The following HSF2BP variants were observed in gnomAD, a reference collection of about 807,000 sequenced individuals.
HSF2BP encodes heat shock factor 2-binding protein.
A neutral mutation model predicts 35.0 loss-of-function variants in HSF2BP; 35 were observed. The observed-to-expected ratio is 1.00, with a 90% CI of 0.76 to 1.32. The LOEUF (loss-of-function observed/expected upper bound fraction) is 1.32, where lower values mean the gene tolerates loss of function less well. Ranked by LOEUF, HSF2BP falls within the 40% of genes most tolerant of loss-of-function variation. The pLI, the probability that HSF2BP is intolerant of heterozygous loss-of-function variation, is 0.00. For synonymous variants in HSF2BP, 114 were observed against 117.4 expected, an observed-to-expected ratio of 0.97 and a Z score of 0.18; for missense variants, 326 against 321.7, an observed-to-expected ratio of 1.01 and a Z score of -0.10.
intron 8 of HSF2BP, among the ~76,000 whole-genome samples, chr21:43,585,124 T>C (rs1000075163): frequency 2.0e-5 from 3 of 151,562 alleles, no homozygotes; most frequent in Non-Finnish European, 4.4e-5. Context: ...CTGGGCAACA[T>C]AGTGAAACCT....
At chr21:43,614,751 G>A (rs1411456444) in intron 6 of HSF2BP, among the ~76,000 whole-genome samples, 1 of 152,158 alleles carries the variant, frequency 6.6e-6, no homozygotes, top group African/African-American at 2.4e-5. Flanking sequence ...TTGAATTAGA[G>A]TGTTGAACCA....
intron 7 of HSF2BP, among the ~76,000 whole-genome samples, chr21:43,599,041 C>G (rs974886182): frequency 4.2e-4 from 64 of 152,224 alleles, no homozygotes; most frequent in African/African-American, 1.4e-3. Flanking sequence ...ATAAACCAAT[C>G]TTCTGTATGT....
At chr21:43,635,211 TAAAG>T (rs2082535767) in intron 4 of HSF2BP, among the ~76,000 whole-genome samples, 1 of 152,090 alleles carries the variant, frequency 6.6e-6, no homozygotes, top group African/African-American at 2.4e-5. Context: ...TAGAGCTAAA[TAAAG>T]AGATACACCA....
In HSF2BP at chr21:43,656,451, G is replaced by A. The variant is rs915497600; in HGVS notation, c.187+136C>T. The A allele has an allele frequency of 1.6e-5, 13 of 838,656 alleles. No individual in the cohort carries two copies. The African/African-American group carries it at 2.2e-4, about 14-fold the overall frequency. 52.0% of individuals were successfully genotyped at this position (838,656 alleles called of 1,614,324 possible). On this transcript the variant is annotated intron_variant, in intron 3 of 8. Transcript: ENST00000291560. Reference sequence around the variant, plus strand: ...ACACTGAGGAAACCTCCCTTTCTTAGGTCATCAGACTCTCCCAAATATCAT... The same window carrying A: ...ACACTGAGGAAACCTCCCTTTCTTAAGTCATCAGACTCTCCCAAATATCAT...
chr21:43,619,949 C>CT (rs2082313070), intron 6 of HSF2BP, among the ~76,000 whole-genome samples: 1 of 152,220 alleles, frequency 6.6e-6, no homozygotes, highest in African/African-American at 2.4e-5. Context: ...GGGTTATCCT[C>CT]TTTGTGACCT....
At chr21:43,618,496 A>G (rs2146944139) in intron 6 of HSF2BP, among the ~76,000 whole-genome samples, 1 of 152,368 alleles carries the variant, frequency 6.6e-6, no homozygotes, top group African/African-American at 2.4e-5. Flanking sequence ...GTGCCAAGAC[A>G]AATCAATGGA....
rs924727288 is a variant in HSF2BP, at chr21:43,659,482, C to G, written c.-321G>C. 4.0e-5 allele frequency: 19 copies of G among 479,592 alleles called. No homozygotes were observed. Among genetic ancestry groups the G allele is most frequent in the Non-Finnish European group, 5.3e-5 (18 of 336,696 alleles). 29.7% of individuals were successfully genotyped at this position (479,592 alleles called of 1,614,324 possible). On this transcript the variant is annotated 5_prime_UTR_variant, in exon 1 of 9. Transcript: ENST00000291560. The surrounding 1 kb of genome is among the most constrained non-coding windows in gnomAD (Gnocchi z 4.2). ...CTCCGCCAGCTGCCAGGGCCACTGC[C>G]GCGCTCACTCCCAGAGCGCGCTGCG...
chr21:43,644,484 T>G, intron 3 of HSF2BP, 92 bp from the exon 4 acceptor site: 1 of 899,450 alleles, frequency 1.1e-6, no homozygotes, highest in Admixed American at 2.0e-5. Flanking sequence ...TAGTAAAATG[T>G]GTACTGATTT....
intron 4 of HSF2BP, among the ~76,000 whole-genome samples, chr21:43,639,829 T>C (rs946664402): frequency 1.3e-5 from 2 of 152,078 alleles, no homozygotes; most frequent in African/African-American, 4.8e-5. Context: ...CAAAAACCTA[T>C]ACATGGATGT....
intron 4 of HSF2BP, among the ~76,000 whole-genome samples, chr21:43,637,317 A>C (rs564368396): frequency 2.0e-5 from 3 of 152,314 alleles, no homozygotes; most frequent in Admixed American, 6.5e-5. Flanking sequence ...TATTATACAC[A>C]TATTATATAA....
chr21:43,587,794 T>C (rs2081874651), intron 8 of HSF2BP, among the ~76,000 whole-genome samples: 2 of 152,110 alleles, frequency 1.3e-5, no homozygotes, highest in South Asian at 2.1e-4. Flanking sequence ...AAAGTCCACC[T>C]GAGTCAAAGA....
intron 4 of HSF2BP, among the ~76,000 whole-genome samples, chr21:43,634,222 A>C (rs1056915759): frequency 4.2e-4 from 64 of 152,100 alleles, no homozygotes; most frequent in African/African-American, 1.4e-3. Flanking sequence ...CCACCATGGC[A>C]CTCTTCACAA....
chr21:43,658,305 GT>G lies in HSF2BP; in HGVS notation c.-210del. 3 of 578,606 alleles carry G rather than the reference GT, an allele frequency of 5.2e-6. No homozygotes were observed. Among genetic ancestry groups the G allele is most frequent in the Non-Finnish European group, 5.9e-6 (2 of 337,202 alleles). The allele number at this position is 578,606 out of a possible 1,614,324, so 35.8% of individuals were successfully genotyped here. A position where few individuals can be genotyped will look rare whatever the true frequency, so the allele number is the denominator to read the frequency against. ...CTTTGGCTCTTCTGGCTTAGCCGGG[GT>G]TTTAAACTTGTTATCTGCAAAGCAG... On this transcript the variant is annotated 5_prime_UTR_variant, in exon 2 of 9. Transcript: ENST00000291560.
At chr21:43,602,705 C>A (rs1216217204) in intron 7 of HSF2BP, among the ~76,000 whole-genome samples, 1 of 152,178 alleles carries the variant, frequency 6.6e-6, no homozygotes, top group African/African-American at 2.4e-5. Flanking sequence ...TATTCTCTGG[C>A]CCATTGACAG....
rs1340369469 is a variant in HSF2BP, at chr21:43,597,393, G to C, written c.693-5065C>G. Among the ~76,000 whole-genome samples, 1 of 152,178 alleles carries C rather than the reference G, an allele frequency of 6.6e-6. No individual in the cohort carries two copies. Among genetic ancestry groups the C allele is most frequent in the African/African-American group, 2.4e-5 (1 of 41,432 alleles). On this transcript the variant is annotated intron_variant, in intron 7 of 8. Transcript: ENST00000291560. This position sits in a 1 kb window ranked among gnomAD's most constrained non-coding sequence, Gnocchi z 4.3. ...AGCACAGCCGGCTAGGATGAGGAGAGTAAGCCACTTGCTTTGGGTGTAAAT... is the reference window on the plus strand; with the variant it reads ...AGCACAGCCGGCTAGGATGAGGAGACTAAGCCACTTGCTTTGGGTGTAAAT...
At chr21:43,623,463 TAA>T in intron 6 of HSF2BP, among the ~76,000 whole-genome samples, 1 of 152,118 alleles carries the variant, frequency 6.6e-6, no homozygotes, top group South Asian at 2.1e-4. Flanking sequence ...GATCAGACCA[TAA>T]ATACATGAAA....
At chr21:43,636,716 AC>A (rs2082564096) in intron 4 of HSF2BP, among the ~76,000 whole-genome samples, 1 of 151,986 alleles carries the variant, frequency 6.6e-6, no homozygotes. Flanking sequence ...ACATGGTGAA[AC>A]CCTGTCTCTA....
At chr21:43,599,099 CCTT>C (rs2082021380) in intron 7 of HSF2BP, among the ~76,000 whole-genome samples, 1 of 152,154 alleles carries the variant, frequency 6.6e-6, no homozygotes, top group Non-Finnish European at 1.5e-5. Flanking sequence ...TACAGGGAAA[CCTT>C]CTGAAAAGAT....
chr21:43,468,053 CCA>C, the HSF2BP span, among the ~76,000 whole-genome samples: 3 of 131,806 alleles, frequency 2.3e-5, no homozygotes, highest in Non-Finnish European at 4.9e-5. Flanking sequence ...CACAACCATA[CCA>C]CACACACCAT....
Sources: allele counts gnomAD v4.1 joint callset (sites outside exome capture counted in the v4.1 genomes callset), GRCh38; gene constraint gnomAD v4.1.1; non-coding constraint Gnocchi (gnomAD v3.1); transcripts MANE v1.5; gene names NCBI Gene and HGNC (gene_info 2026-07-23, HGNC 2026-07-21).